Variants in SLC22A25 observed in about 807,000 individuals in gnomAD.
SLC22A25 encodes the protein solute carrier family 22 member 25.
In SLC22A25, 44 loss-of-function variants were observed where a neutral mutation model predicts 45.9. The ratio of observed to expected loss-of-function variants is 0.96; its 90% CI spans 0.75 to 1.23. The LOEUF is 1.23. Ranked by LOEUF, SLC22A25 falls within the 50% of genes most tolerant of loss-of-function variation. The pLI, the probability that SLC22A25 is intolerant of heterozygous loss-of-function variation, is 0.00. For missense variants in SLC22A25, 800 were observed against 666.4 expected (o/e 1.20, Z -2.21); for synonymous variants, 283 against 238.6 (o/e 1.19, Z -1.72).
chr11:63,181,046 G>A (rs1280020621), intron 8 of SLC22A25, among the ~76,000 whole-genome samples: 1 of 152,100 alleles, frequency 6.6e-6, no homozygotes, highest in Non-Finnish European at 1.5e-5. Flanking sequence ...GTAGGTTAGA[G>A]ATTCAGATCA....
intron 7 of SLC22A25, among the ~76,000 whole-genome samples, chr11:63,216,471 C>T (rs1350054422): frequency 6.6e-6 from 1 of 152,156 alleles, no homozygotes; most frequent in East Asian, 1.9e-4. Flanking sequence ...TGGAATCAAC[C>T]TAAATGCCCA....
At chr11:63,181,392 C>G (rs1565074750) in intron 8 of SLC22A25, among the ~76,000 whole-genome samples, 1 of 120,342 alleles carries the variant, frequency 8.3e-6, no homozygotes, top group African/African-American at 3.0e-5. Flanking sequence ...TCCTTCCCCC[C>G]TCCCCCCACC....
chr11:63,206,314 G>A (rs925744494), intron 7 of SLC22A25, among the ~76,000 whole-genome samples: 1 of 152,116 alleles, frequency 6.6e-6, no homozygotes, highest in Non-Finnish European at 1.5e-5. Context: ...AGAAATAAAG[G>A]GTATTCAAAC....
chr11:63,176,927 T>C (rs1024877188), intron 9 of SLC22A25, among the ~76,000 whole-genome samples: 5 of 152,058 alleles, frequency 3.3e-5, no homozygotes, highest in Non-Finnish European at 7.4e-5. Flanking sequence ...ACATTTCTTA[T>C]AATGCAGATC....
chr11:63,161,951 A>G lies in SLC22A25; in HGVS notation c.*1873T>C. ...GCATTTGTTCTTGCCTGTCTTTTGG[A>G]TATCAGCCATTTTAACTGAGGTAAG... On this transcript the variant is annotated 3_prime_UTR_variant, in exon 12 of 12. Coordinates refer to ENST00000306494, the MANE Select transcript of SLC22A25 (RefSeq NM_199352.6). Among the ~76,000 whole-genome samples, 1 of 152,112 alleles carries G rather than the reference A, an allele frequency of 6.6e-6. No homozygotes were observed. The highest frequency in any genetic ancestry group is 1.5e-5 in the Non-Finnish European group (1 of 68,024).
At chr11:63,166,000 G>C (rs890170903) in intron 10 of SLC22A25, 44 bp downstream of exon 10, 1 of 1,602,614 alleles carries the variant, frequency 6.2e-7, no homozygotes, top group Non-Finnish European at 8.5e-7. Flanking sequence ...CCTGAGAAAA[G>C]AGGGAAAGAC....
At chr11:63,219,949 G>C (rs1409557610) in intron 5 of SLC22A25, 1 of 1,289,186 alleles carries the variant, frequency 7.8e-7, no homozygotes, top group East Asian at 5.5e-5. Flanking sequence ...CGTGATGCTG[G>C]TGGATGGCAA....
chr11:63,160,845 C>A lies in SLC22A25; in HGVS notation c.*2979G>T, dbSNP rs1263309883. ...TGAGACATGCAGTCAAAGGAGATAA[C>A]TTTGGAGCTTTAAGATTGGACTTCC... On this transcript the variant is annotated 3_prime_UTR_variant, in exon 12 of 12. Transcript: ENST00000306494. Among the ~76,000 whole-genome samples the A allele has an allele frequency of 6.6e-6, 1 of 152,130 alleles. No individual in the cohort carries two copies. Among genetic ancestry groups the A allele is most frequent in the Non-Finnish European group, 1.5e-5 (1 of 68,014 alleles).
chr11:63,161,244 A>G lies in SLC22A25; in HGVS notation c.*2580T>C, dbSNP rs2087530755. Among the ~76,000 whole-genome samples, 1 of 152,070 alleles carries G rather than the reference A, an allele frequency of 6.6e-6. No homozygotes were observed. The highest frequency in any genetic ancestry group is 2.1e-4 in the South Asian group (1 of 4,824). On this transcript the variant is annotated 3_prime_UTR_variant, in exon 12 of 12. Transcript: ENST00000306494. ...CCCCATTGTATCTAGGAAGTAACCA[A>G]TTTCTTTTGATTTTGCAAGGTCATA...
At chr11:63,230,608 A>G (rs1240590431) in intron 3 of SLC22A25, among the ~76,000 whole-genome samples, 1 of 152,236 alleles carries the variant, frequency 6.6e-6, no homozygotes, top group African/African-American at 2.4e-5. Context: ...TCATTGAGGT[A>G]TAATTCATTT....
chr11:63,243,410 G>A (rs1045652727), intron 1 of SLC22A25, 24 bp downstream of exon 1: 3 of 721,580 alleles, frequency 4.2e-6, no homozygotes, highest in Admixed American at 3.6e-5. Flanking sequence ...TGAAGAAAAG[G>A]TTTTCCCTCT....
chr11:63,188,529 T>TTG (rs1323977905), intron 7 of SLC22A25, among the ~76,000 whole-genome samples: 2 of 152,230 alleles, frequency 1.3e-5, no homozygotes, highest in Non-Finnish European at 2.9e-5. Context: ...GAAGAGTTCT[T>TTG]TGTGTCTCTA....
Position 63,197,426 on chromosome 11 carries a change from G to C in SLC22A25, c.831-13609C>G, listed in dbSNP as rs138173686. The stretch of plus-strand genomic sequence containing the variant: ...AACAGAGATATAGACCAGTGGAACA[G>C]AACGGAGTCCCCAGATATAATACCA... On this transcript the variant is annotated intron_variant, in intron 7 of 11. Transcript: ENST00000306494. Among the ~76,000 whole-genome samples, 246 of 152,314 alleles carry C rather than the reference G, an allele frequency of 1.6e-3. No individual in the cohort carries two copies. The Middle Eastern group carries it at 0.031, about 19-fold the overall frequency.
rs1351198050 is a variant in SLC22A25 at position 63,183,724 on chromosome 11, C to T, written c.924G>A (p.Met308Ile). 5.0e-6 allele frequency: 8 copies of T among 1,613,080 alleles called. No homozygotes were observed. Among genetic ancestry groups the T allele is most frequent in the African/African-American group, 1.3e-5 (1 of 74,858 alleles). The change falls in exon 8 of 12, where the codon ATG (methionine) becomes ATA (isoleucine). Residue 308 changes from methionine (M) to isoleucine (I), a missense_variant. Met to Ile is a conservative substitution (Grantham distance 10). Coordinates refer to ENST00000306494, the MANE Select transcript of SLC22A25 (RefSeq NM_199352.6). ...TGGTTAGGATGTCTTCAGCATTCTT[C>T]ATTCCATTCCTGTGTGCAGCTTTTC... is the stretch of plus-strand genomic sequence containing the variant. ...ELRKAAHRNG[M>I]KNAEDILTME...
intron 7 of SLC22A25, among the ~76,000 whole-genome samples, chr11:63,191,775 A>T (rs542331994): frequency 6.6e-6 from 1 of 152,344 alleles, no homozygotes; most frequent in Admixed American, 6.5e-5. Flanking sequence ...GTGAAATAAG[A>T]CAGTCAGACA....
intron 9 of SLC22A25, among the ~76,000 whole-genome samples, chr11:63,175,825 G>GTATATATATATATATATATATATATATA (rs5792280): frequency 1.1e-4 from 16 of 150,312 alleles, no homozygotes; most frequent in African/African-American, 3.7e-4. Flanking sequence ...AATTGGGTGT[G>GTATATATATATATATATATATATATATA]TATATATATA....
At chr11:63,192,011 A>T (rs2088833876) in intron 7 of SLC22A25, among the ~76,000 whole-genome samples, 1 of 152,326 alleles carries the variant, frequency 6.6e-6, no homozygotes, top group African/African-American at 2.4e-5. Context: ...CAAGAAGATC[A>T]TCTTCAAAAC....
chr11:63,239,523 A>C (rs1384293227), intron 1 of SLC22A25, among the ~76,000 whole-genome samples: 1 of 152,212 alleles, frequency 6.6e-6, no homozygotes, highest in Non-Finnish European at 1.5e-5. Flanking sequence ...TGTGACAATC[A>C]AAAGGGATGC....
intron 9 of SLC22A25, among the ~76,000 whole-genome samples, chr11:63,171,479 T>A (rs188471206): frequency 4.6e-5 from 7 of 152,234 alleles, no homozygotes; most frequent in African/African-American, 1.7e-4. Flanking sequence ...ACAAAATCAA[T>A]GTGCAAAAAT....
Sources: allele counts gnomAD v4.1 joint callset (sites outside exome capture counted in the v4.1 genomes callset), GRCh38; gene constraint gnomAD v4.1.1; transcripts MANE v1.5; gene names NCBI Gene and HGNC (gene_info 2026-07-23, HGNC 2026-07-21).